HDLBP: variants seen among roughly 807,000 people sequenced by gnomAD.
HDLBP encodes vigilin.
In HDLBP, 30 loss-of-function variants were observed where a neutral mutation model predicts 137.3. The ratio of observed to expected loss-of-function variants is 0.22; its 90% CI spans 0.16 to 0.30. The LOEUF is 0.30. Among genes scored for constraint, HDLBP ranks in the 10% least tolerant of loss-of-function variants. The pLI is 1.00. For synonymous variants in HDLBP, 606 were observed against 596.0 expected, an observed-to-expected ratio of 1.02 and a Z score of -0.24; for missense variants, 1,119 against 1,667.3, an observed-to-expected ratio of 0.67 and a Z score of 5.73.
At chr2:241,236,535 C>T in intron 21 of HDLBP, 80 bp downstream of exon 21, 2 of 1,457,836 alleles carry the variant, frequency 1.4e-6, no homozygotes, top group Admixed American at 1.8e-5. Flanking sequence ...AACCGTCCAT[C>T]CCATCCAGGC....
At chr2:241,301,001 G>A (rs1025078226) in intron 1 of HDLBP, among the ~76,000 whole-genome samples, 1 of 148,338 alleles carries the variant, frequency 6.7e-6, no homozygotes, top group African/African-American at 2.5e-5. Flanking sequence ...ATTTTGAGAC[G>A]AGTCTCACTC....
intron 14 of HDLBP, among the ~76,000 whole-genome samples, 160 bp downstream of exon 14, chr2:241,247,843 C>T (rs188146191): frequency 3.0e-4 from 45 of 152,234 alleles, no homozygotes; most frequent in Admixed American, 2.9e-3. Context: ...AGTGAGAAGC[C>T]GTCACCACTT....
rs541413194 is a variant in HDLBP, at chr2:241,293,328, C to CAATAA, written c.-103+22237_-103+22241dup. Among the ~76,000 whole-genome samples the CAATAA allele has an allele frequency of 1.2e-3, 179 of 151,906 alleles. 1 individual carries two copies. Among genetic ancestry groups the CAATAA allele is most frequent in the African/African-American group, 3.9e-3 (161 of 41,454 alleles). On this transcript the variant is annotated intron_variant, in intron 1 of 27. Coordinates refer to ENST00000310931, the MANE Select transcript of HDLBP (RefSeq NM_005336.6). The stretch of plus-strand genomic sequence containing the variant: ...CATCTCCACAAAAAAATAAAAAATA[C>CAATAA]AATAAAATAAAATAAGAAAAGCCAT...
intron 1 of HDLBP, among the ~76,000 whole-genome samples, chr2:241,304,980 A>T (rs1000173862): frequency 6.6e-5 from 10 of 152,256 alleles, no homozygotes; most frequent in Non-Finnish European, 1.3e-4. Context: ...GAGCATATAC[A>T]TAGACAGCAC....
chr2:241,272,686 A>ACCCCC lies in HDLBP; in HGVS notation c.-102-4150_-102-4146dup. The stretch of plus-strand genomic sequence containing the variant: ...GCCTCCACGTCAGCAGCCACCCCCC[A>ACCCCC]CCCCCCCGCCCGGCAGCCCGCCCGC... On this transcript the variant is annotated intron_variant, in intron 1 of 27. Transcript: ENST00000310931. The surrounding 1 kb of genome is among the most constrained non-coding windows in gnomAD (Gnocchi z 5.6). The ACCCCC allele has an allele frequency of 1.9e-6, 1 of 533,884 alleles. No individual in the cohort carries two copies. Among genetic ancestry groups the ACCCCC allele is most frequent in the Non-Finnish European group, 2.1e-6 (1 of 477,094 alleles). The allele number at this position is 533,884 out of a possible 1,614,324, so 33.1% of individuals were successfully genotyped here.
Position 241,272,356 on chromosome 2 carries a change from G to C in HDLBP, c.-102-3815C>G, listed in dbSNP as rs1218457527. ...GGGAGGGCCGGCCCCGCCAACGTCA[G>C]CGACCTGGGCTCAGGTCGGCCGCCC... On this transcript the variant is annotated intron_variant, in intron 1 of 27. Coordinates refer to ENST00000310931, the MANE Select transcript of HDLBP (RefSeq NM_005336.6). The surrounding 1 kb of genome is among the most constrained non-coding windows in gnomAD (Gnocchi z 5.6). The C allele has an allele frequency of 8.1e-6, 8 of 984,504 alleles. No homozygotes were observed. The highest frequency in any genetic ancestry group is 9.6e-6 in the Non-Finnish European group (8 of 829,508). The allele number at this position is 984,504 out of a possible 1,614,324, so 61.0% of individuals were successfully genotyped here.
In HDLBP at chr2:241,230,715, CG is replaced by C. The variant is rs1559470533; in HGVS notation, c.3474+43del. ...TTTCTTCTGGCCAGCCAGGTGCCCC[CG>C]GTGAGAGAGGATTCTCACCCACTGT... On this transcript the variant is annotated intron_variant, in intron 25 of 27. Transcript: ENST00000310931. The surrounding 1 kb of genome is among the most constrained non-coding windows in gnomAD (Gnocchi z 5.0). 1 of 1,561,460 alleles carries C rather than the reference CG, an allele frequency of 6.4e-7. No individual in the cohort carries two copies. The highest frequency in any genetic ancestry group is 1.4e-5 in the African/African-American group (1 of 74,046).
intron 1 of HDLBP, among the ~76,000 whole-genome samples, chr2:241,297,571 T>G (rs1437315881): frequency 6.6e-6 from 1 of 152,172 alleles, no homozygotes; most frequent in Non-Finnish European, 1.5e-5. Context: ...TGAGAGGGCC[T>G]GGGTATAGTA....
intron 2 of HDLBP, 79 bp from the exon 3 acceptor site, chr2:241,266,985 C>T: frequency 9.6e-7 from 1 of 1,041,600 alleles, no homozygotes; most frequent in Non-Finnish European, 1.5e-6. Context: ...AGAGTTTTAG[C>T]AAAGTTTTAC....
Position 241,272,739 on chromosome 2 carries a change from C to G in HDLBP, c.-102-4198G>C, listed in dbSNP as rs1364961134. On this transcript the variant is annotated intron_variant, in intron 1 of 27. Transcript: ENST00000310931. The surrounding 1 kb of genome is among the most constrained non-coding windows in gnomAD (Gnocchi z 5.6). The stretch of plus-strand genomic sequence containing the variant: ...CGTCCGCCCGCCCGCCCAGGCCTCC[C>G]AGCCCCGTGTTGCGCGCTCACTCGT... 3.2e-4 allele frequency: 136 copies of G among 423,368 alleles called. 2 individuals are homozygous for G. In the Admixed American group the frequency reaches 8.9e-3, roughly 28 times the overall value. 26.2% of individuals were successfully genotyped at this position (423,368 alleles called of 1,614,324 possible).
In HDLBP at chr2:241,248,270, G is replaced by A. The variant is rs1460165009; in HGVS notation, c.1591C>T (p.Arg531Cys). 5 of 1,613,664 alleles carry A rather than the reference G, an allele frequency of 3.1e-6. No individual in the cohort carries two copies. Among genetic ancestry groups the A allele is most frequent in the Non-Finnish European group, 3.4e-6 (4 of 1,179,734 alleles). The change falls in exon 13 of 28, where the codon CGT (arginine) becomes TGT (cysteine). Residue 531 changes from arginine to cysteine, a missense_variant. Coordinates refer to ENST00000310931, the MANE Select transcript of HDLBP (RefSeq NM_005336.6). Reference sequence around the variant, plus strand: ...TCTGGGAATTTGTCACGAATTTCACGGATCCGTTCACCCTTCTGCCCAATG... The same window carrying A: ...TCTGGGAATTTGTCACGAATTTCACAGATCCGTTCACCCTTCTGCCCAATG... ...TIIGQKGERI[R>C]EIRDKFPEVI...
chr2:241,246,670 G>T, intron 16 of HDLBP, 82 bp downstream of exon 16: 1 of 1,396,736 alleles, frequency 7.2e-7, no homozygotes, highest in Non-Finnish European at 9.9e-7. Flanking sequence ...CAATGACCCT[G>T]CGTGACTCAA....
chr2:241,271,713 G>C (rs1214457698), intron 1 of HDLBP, among the ~76,000 whole-genome samples: 1 of 152,148 alleles, frequency 6.6e-6, no homozygotes, highest in Non-Finnish European at 1.5e-5. Flanking sequence ...CACCAGACAG[G>C]ACCGGGTATG....
intron 22 of HDLBP, 41 bp from the exon 23 acceptor site, chr2:241,235,296 A>G (rs1376162528): frequency 1.2e-6 from 2 of 1,613,724 alleles, no homozygotes; most frequent in South Asian, 2.2e-5. Flanking sequence ...AGGACCCCAG[A>G]GAACAGGAAA....
chr2:241,281,308 C>G (rs1028410376), intron 1 of HDLBP, among the ~76,000 whole-genome samples: 1 of 151,802 alleles, frequency 6.6e-6, no homozygotes, highest in Non-Finnish European at 1.5e-5. Context: ...GAGCCGAGAT[C>G]GCGCCATTGC....
chr2:241,239,890 C>T lies in HDLBP; in HGVS notation c.2391+11G>A, dbSNP rs777926801. ...CCCCAGCAGAGTCGGCCGCCGAGGC[C>T]CGCTCCCTACCAGGTTTTGGATCAA... On this transcript the variant is annotated intron_variant, in intron 18 of 27. Coordinates refer to ENST00000310931, the MANE Select transcript of HDLBP (RefSeq NM_005336.6). This position sits in a 1 kb window ranked among gnomAD's most constrained non-coding sequence, Gnocchi z 4.6. 19 of 1,613,464 alleles carry T rather than the reference C, an allele frequency of 1.2e-5. No individual in the cohort carries two copies. In the East Asian group the frequency reaches 4.0e-4, roughly 34 times the overall value.
At chr2:241,244,436 A>G (rs1466475596) in intron 16 of HDLBP, among the ~76,000 whole-genome samples, 2 of 152,206 alleles carry the variant, frequency 1.3e-5, no homozygotes, top group Non-Finnish European at 2.9e-5. Context: ...TAAAACCCTA[A>G]CAGCAGCCAG....
intron 23 of HDLBP, among the ~76,000 whole-genome samples, chr2:241,234,590 T>C (rs1449019437): frequency 6.6e-6 from 1 of 152,234 alleles, no homozygotes; most frequent in Admixed American, 6.5e-5. Flanking sequence ...CCCCTGCTCC[T>C]GTCTGCAGCA....
intron 1 of HDLBP, among the ~76,000 whole-genome samples, chr2:241,311,230 G>T (rs994438578): frequency 6.6e-6 from 1 of 152,192 alleles, no homozygotes. Flanking sequence ...CAATAAAAGA[G>T]AATCAGAACG....
Sources: gnomAD v4.1 joint callset for allele counts (sites outside exome capture counted in the v4.1 genomes callset) on GRCh38, gnomAD v4.1.1 for gene constraint, Gnocchi (gnomAD v3.1) non-coding constraint, MANE v1.5 for transcripts, NCBI Gene and HGNC (gene_info 2026-07-23, HGNC 2026-07-21) for gene names.